COL25A1: variants seen among roughly 807,000 people sequenced by gnomAD.
COL25A1 encodes the protein collagen alpha-1(XXV) chain.
Under a neutral mutation model 128.4 loss-of-function variants are expected in COL25A1, and 103 were observed. The ratio of observed to expected loss-of-function variants is 0.80; its 90% CI spans 0.68 to 0.94. COL25A1 has a LOEUF of 0.94. Among genes scored for constraint, COL25A1 ranks in the 40% least tolerant of loss-of-function variants. The pLI is 0.00. For synonymous variants in COL25A1, 279 were observed against 277.2 expected, an observed-to-expected ratio of 1.01 and a Z score of -0.06; for missense variants, 745 against 840.0, an observed-to-expected ratio of 0.89 and a Z score of 1.40.
At chr4:109,087,057 T>G in intron 3 of COL25A1, among the ~76,000 whole-genome samples, 1 of 151,982 alleles carries the variant, frequency 6.6e-6, no homozygotes, top group East Asian at 1.9e-4. Flanking sequence ...AATGCAAGTA[T>G]GAGTACAAAG....
At chr4:109,031,359 GC>G (rs1326888791) in intron 5 of COL25A1, among the ~76,000 whole-genome samples, 1 of 150,932 alleles carries the variant, frequency 6.6e-6, no homozygotes, top group African/African-American at 2.4e-5. Context: ...CTCGTGATCC[GC>G]CCGCCTCGGC....
At chr4:109,087,688 T>C (rs1764535489) in intron 3 of COL25A1, among the ~76,000 whole-genome samples, 1 of 152,228 alleles carries the variant, frequency 6.6e-6, no homozygotes, top group Non-Finnish European at 1.5e-5. Flanking sequence ...GCTTCCTTTA[T>C]TTTAATAAGC....
rs891143283 is a variant in COL25A1 at position 109,037,404 on chromosome 4, T to C, written c.420+10764A>G. Reference sequence around the variant, plus strand: ...AAGCCAGGAGGAGGGGAGCTCACAGTGAGGCTGTCTGGCATGGTCTGCAGC... The same window carrying C: ...AAGCCAGGAGGAGGGGAGCTCACAGCGAGGCTGTCTGGCATGGTCTGCAGC... On this transcript the variant is annotated intron_variant, in intron 5 of 37. Coordinates refer to ENST00000399132, the MANE Select transcript of COL25A1 (RefSeq NM_198721.4). Among the ~76,000 whole-genome samples, 5 of 152,216 alleles carry C rather than the reference T, an allele frequency of 3.3e-5. No individual in the cohort carries two copies. In the South Asian group the frequency reaches 8.3e-4, roughly 25 times the overall value.
Position 108,853,677 on chromosome 4 carries a change from C to G in COL25A1, c.1321-752G>C, listed in dbSNP as rs575848136. On this transcript the variant is annotated intron_variant, in intron 24 of 37. Coordinates refer to ENST00000399132, the MANE Select transcript of COL25A1 (RefSeq NM_198721.4). ...GCTATCCCTCCCCTTGCCCCCCACCCCCTGACAGGCCCTGGTGTGTGATGT... is the reference window on the plus strand; with the variant it reads ...GCTATCCCTCCCCTTGCCCCCCACCGCCTGACAGGCCCTGGTGTGTGATGT... 1.6e-3 allele frequency among the ~76,000 whole-genome samples: 242 copies of G among 152,064 alleles called. 1 individual carries two copies. Among genetic ancestry groups the G allele is most frequent in the African/African-American group, 5.6e-3 (232 of 41,472 alleles).
intron 3 of COL25A1, among the ~76,000 whole-genome samples, chr4:109,179,534 A>C (rs1774431499): frequency 6.6e-6 from 1 of 152,234 alleles, no homozygotes; most frequent in Non-Finnish European, 1.5e-5. Flanking sequence ...GGTAATTCCC[A>C]TGTGAATATA....
At chr4:109,011,032 T>C (rs1482002350) in intron 5 of COL25A1, among the ~76,000 whole-genome samples, 2 of 152,236 alleles carry the variant, frequency 1.3e-5, no homozygotes, top group Admixed American at 6.5e-5. Flanking sequence ...ATTTTGAATG[T>C]CATTTTCTTA....
At chr4:109,005,295 G>A (rs1375322713) in intron 6 of COL25A1, among the ~76,000 whole-genome samples, 2 of 152,082 alleles carry the variant, frequency 1.3e-5, no homozygotes, top group South Asian at 2.1e-4. Flanking sequence ...ACAGCACCAA[G>A]GTTGTGGTGC....
chr4:109,235,105 C>T (rs1232989903), intron 3 of COL25A1, among the ~76,000 whole-genome samples: 1 of 152,092 alleles, frequency 6.6e-6, no homozygotes, highest in East Asian at 1.9e-4. Context: ...ATCCCAGAGA[C>T]TTGTCACAGT....
chr4:109,048,896 T>C (rs1242899016), intron 4 of COL25A1, among the ~76,000 whole-genome samples: 1 of 152,180 alleles, frequency 6.6e-6, no homozygotes, highest in Non-Finnish European at 1.5e-5. Context: ...TAATGTTTTA[T>C]CATTTCTTTT....
chr4:109,046,094 T>A (rs1375846362), intron 5 of COL25A1, among the ~76,000 whole-genome samples: 2 of 152,212 alleles, frequency 1.3e-5, no homozygotes, highest in African/African-American at 4.8e-5. Flanking sequence ...AATTTCAACT[T>A]TGCAAATCCT....
chr4:108,860,880 T>C (rs767769399), intron 23 of COL25A1, 47 bp downstream of exon 23: 2 of 1,530,790 alleles, frequency 1.3e-6, no homozygotes, highest in African/African-American at 2.7e-5. Context: ...AATTCAAATC[T>C]GGGATTGTAG....
intron 3 of COL25A1, among the ~76,000 whole-genome samples, chr4:109,129,842 G>T (rs770284580): frequency 6.6e-6 from 1 of 151,996 alleles, no homozygotes. Flanking sequence ...TCTCTAAGTT[G>T]TCTCTCTCTC....
intron 5 of COL25A1, among the ~76,000 whole-genome samples, chr4:109,029,252 T>C (rs895307263): frequency 5.3e-5 from 8 of 152,232 alleles, no homozygotes; most frequent in East Asian, 3.8e-4. Flanking sequence ...CACACCATTC[T>C]GAGTAGTGGG....
chr4:108,906,527 T>G (rs922571755), intron 13 of COL25A1, among the ~76,000 whole-genome samples: 2 of 152,200 alleles, frequency 1.3e-5, no homozygotes, highest in African/African-American at 4.8e-5. Flanking sequence ...TTCTGTCTTC[T>G]GCCATTAGGA....
At chr4:108,995,038 A>C (rs35847845) in intron 6 of COL25A1, among the ~76,000 whole-genome samples, 121,048 of 152,120 alleles carry the variant, frequency 0.8, 49,330 homozygotes, top group East Asian at 1. Flanking sequence ...CTGAAAATTC[A>C]AAAAAACAGA....
chr4:108,948,794 A>G (rs1450890351), intron 8 of COL25A1, among the ~76,000 whole-genome samples: 1 of 152,246 alleles, frequency 6.6e-6, no homozygotes, highest in East Asian at 1.9e-4. Context: ...ATATCATTAA[A>G]TACTGTAGCT....
intron 3 of COL25A1, among the ~76,000 whole-genome samples, chr4:109,158,000 T>C (rs947314733): frequency 7.9e-5 from 12 of 152,276 alleles, no homozygotes; most frequent in African/African-American, 2.4e-4. Flanking sequence ...AATACTTCTA[T>C]ATAAAATTAC....
At chr4:108,953,178 A>C (rs1749660919) in intron 8 of COL25A1, among the ~76,000 whole-genome samples, 1 of 152,162 alleles carries the variant, frequency 6.6e-6, no homozygotes, top group Non-Finnish European at 1.5e-5. Context: ...AAGTGACCTT[A>C]GCAACAAAAA....
At chr4:109,029,920 A>C (rs1407060027) in intron 5 of COL25A1, among the ~76,000 whole-genome samples, 1 of 152,136 alleles carries the variant, frequency 6.6e-6, no homozygotes, top group Non-Finnish European at 1.5e-5. Flanking sequence ...GAAAACAGGA[A>C]ATCAGAGGCA....
Sources: gnomAD v4.1 joint callset for allele counts (sites outside exome capture counted in the v4.1 genomes callset) on GRCh38, gnomAD v4.1.1 for gene constraint, MANE v1.5 for transcripts, NCBI Gene and HGNC (gene_info 2026-07-23, HGNC 2026-07-21) for gene names.